Variants in TRPM4 observed in about 807,000 individuals in gnomAD.
TRPM4 encodes calcium-activated non-selective cation channel 1.
A neutral mutation model predicts 135.6 loss-of-function variants in TRPM4; 124 were observed. The ratio of observed to expected loss-of-function variants is 0.91; its 90% CI spans 0.79 to 1.06. The LOEUF (loss-of-function observed/expected upper bound fraction) is 1.06, where lower values mean the gene tolerates loss of function less well. Ranked by LOEUF, TRPM4 falls within the 50% of genes least tolerant of loss-of-function variation. The pLI is 0.00. For synonymous variants in TRPM4, 745 were observed against 705.6 expected, an observed-to-expected ratio of 1.06 and a Z score of -0.88; for missense variants, 1,658 against 1,671.4, an observed-to-expected ratio of 0.99 and a Z score of 0.14.
intron 16 of TRPM4, among the ~76,000 whole-genome samples, chr19:49,194,209 T>C (rs764783326): frequency 1.2e-4 from 19 of 152,064 alleles, no homozygotes; most frequent in Non-Finnish European, 1.8e-4. Context: ...CTTCTCCTGC[T>C]CCTCCTCCTC....
intron 17 of TRPM4, among the ~76,000 whole-genome samples, chr19:49,198,138 A>G (rs1968767844): frequency 6.6e-6 from 1 of 152,158 alleles, no homozygotes; most frequent in African/African-American, 2.4e-5. Context: ...AAAGTGATTC[A>G]ACATAAATAA....
rs1050611808 is a variant in TRPM4, at chr19:49,210,474, G to A, written c.3328+69G>A. ...GGGAGCCTGGAAGGCGAGGGGAAGG[G>A]GGCATGCCCCAAATGACTAACGGGC... On this transcript the variant is annotated intron_variant, in intron 21 of 24. Coordinates refer to ENST00000252826, the MANE Select transcript of TRPM4 (RefSeq NM_017636.4). The surrounding 1 kb of genome is among the most constrained non-coding windows in gnomAD (Gnocchi z 4.1). 4.5e-6 allele frequency: 7 copies of A among 1,566,184 alleles called. No individual in the cohort carries two copies. In the African/African-American group the frequency reaches 8.1e-5, roughly 18 times the overall value.
In TRPM4 at chr19:49,157,877, C is replaced by T. The variant is rs1318656879; in HGVS notation, c.11C>T (p.Pro4Leu). The T allele has an allele frequency of 1.3e-6, 2 of 1,534,916 alleles. No homozygotes were observed. Among genetic ancestry groups the T allele is most frequent in the East Asian group, 2.4e-5 (1 of 40,900 alleles). The change falls in exon 1 of 25, where the codon CCG becomes CTG. Residue 4 changes from proline to leucine, a missense_variant. Physicochemically the swap from Pro to Leu is moderately conservative, Grantham distance 98. Around this residue, in one of 3 missense-constraint regions of TRPM4, gnomAD observed 239 missense variants for 240.1 expected, o/e 1.00. Transcript: ENST00000252826. MVV[P>L]EKEQSWIPKI... ...GGCGGCCGCGGCAGCATGGTGGTGC[C>T]GGAGAAGGAGCAGGTGAGCGCCGGA...
At chr19:49,189,955 C>T (rs577798515) in intron 14 of TRPM4, among the ~76,000 whole-genome samples, 2 of 152,246 alleles carry the variant, frequency 1.3e-5, no homozygotes, top group Admixed American at 6.5e-5. Flanking sequence ...GTCAAGGGTT[C>T]GGTGGACTAA....
At chr19:49,168,523 G>C in intron 5 of TRPM4, 30 bp from the exon 6 acceptor site, 1 of 1,613,840 alleles carries the variant, frequency 6.2e-7, no homozygotes, top group Non-Finnish European at 8.5e-7. Context: ...CCGATGAGGA[G>C]ACGCCCTGGT....
intron 20 of TRPM4, among the ~76,000 whole-genome samples, chr19:49,206,435 C>CTT (rs1318548355): frequency 4.2e-5 from 6 of 143,288 alleles, no homozygotes; most frequent in Non-Finnish European, 6.1e-5. Flanking sequence ...TTTTTTTTTC[C>CTT]TTTTTTTTTT....
chr19:49,191,451 G>A (rs571147110), intron 16 of TRPM4, among the ~76,000 whole-genome samples: 17 of 152,024 alleles, frequency 1.1e-4, no homozygotes, highest in Admixed American at 1.0e-3. Flanking sequence ...AGTGATCCGC[G>A]CACTTTGGCC....
intron 16 of TRPM4, among the ~76,000 whole-genome samples, chr19:49,191,504 C>A (rs1459797406): frequency 6.6e-6 from 1 of 151,862 alleles, no homozygotes; most frequent in Non-Finnish European, 1.5e-5. Context: ...CCGGGCCCAG[C>A]CAGGGATTAC....
chr19:49,211,704 T>G lies in TRPM4; in HGVS notation c.*206T>G. Reference sequence around the variant, plus strand: ...GCTCCTCCCAGAACCAGTCCCAGCCTGGGAGGATCAAGGCCTGGATCCCGG... The same window carrying G: ...GCTCCTCCCAGAACCAGTCCCAGCCGGGGAGGATCAAGGCCTGGATCCCGG... On this transcript the variant is annotated 3_prime_UTR_variant, in exon 25 of 25. Coordinates refer to ENST00000252826, the MANE Select transcript of TRPM4 (RefSeq NM_017636.4). The surrounding 1 kb of genome is among the most constrained non-coding windows in gnomAD (Gnocchi z 4.8). The G allele has an allele frequency of 1.5e-6, 1 of 685,968 alleles. No homozygotes were observed. The highest frequency in any genetic ancestry group is 2.5e-6 in the Non-Finnish European group (1 of 395,884). 42.5% of individuals were successfully genotyped at this position (685,968 alleles called of 1,614,324 possible). A position where few individuals can be genotyped will look rare whatever the true frequency, so the allele number is the denominator to read the frequency against.
chr19:49,178,496 G>C (rs1967786684), intron 9 of TRPM4, among the ~76,000 whole-genome samples: 1 of 152,046 alleles, frequency 6.6e-6, no homozygotes, highest in Non-Finnish European at 1.5e-5. Context: ...CATGAAGCTT[G>C]GGGGCTGATG....
At chr19:49,209,718 C>G (rs1183351777) in intron 20 of TRPM4, among the ~76,000 whole-genome samples, 1 of 148,956 alleles carries the variant, frequency 6.7e-6, no homozygotes, top group Non-Finnish European at 1.5e-5. Flanking sequence ...CCTCTGACAT[C>G]TGACCCTTGG....
chr19:49,166,103 C>G lies in TRPM4; in HGVS notation c.155C>G (p.Ala52Gly), dbSNP rs767495100. 5 of 1,603,712 alleles carry G rather than the reference C, an allele frequency of 3.1e-6. No homozygotes were observed. Among genetic ancestry groups the G allele is most frequent in the Non-Finnish European group, 4.3e-6 (5 of 1,176,194 alleles). Residue 52 changes from alanine to glycine, a missense_variant, in exon 3 of 25, where the codon GCC (alanine) becomes GGC (glycine). Physicochemically the swap from Ala to Gly is moderately conservative, Grantham distance 60. Coordinates refer to ENST00000252826, the MANE Select transcript of TRPM4 (RefSeq NM_017636.4). ...CACCCCGCAGTGGCCATGGAGGATG[C>G]CTTCGGGGCAGCCGTGGTGACCGTG... is the stretch of plus-strand genomic sequence containing the variant. ...TAHPAVAMEDAFGAAVVTVWD... is the reference protein window; with the variant it reads ...TAHPAVAMEDGFGAAVVTVWD...
At chr19:49,197,512 C>CTTCCTTCT in intron 17 of TRPM4, among the ~76,000 whole-genome samples, 1 of 144,442 alleles carries the variant, frequency 6.9e-6, no homozygotes, top group East Asian at 2.0e-4. Flanking sequence ...TCCTTCCTTC[C>CTTCCTTCT]TTCTATGCTT....
intron 3 of TRPM4, among the ~76,000 whole-genome samples, chr19:49,166,870 C>CTCTCTCTGGGTCTCTGTCCCCA (rs1256859479): frequency 6.8e-6 from 1 of 147,076 alleles, no homozygotes; most frequent in Non-Finnish European, 1.5e-5. Flanking sequence ...CTGTTTCCCC[C>CTCTCTCTGGGTCTCTGTCCCCA]TCTCTCTGGG....
At chr19:49,198,336 G>T (rs1038529246) in intron 17 of TRPM4, among the ~76,000 whole-genome samples, 1 of 152,176 alleles carries the variant, frequency 6.6e-6, no homozygotes, top group Non-Finnish European at 1.5e-5. Flanking sequence ...GTGAAAAATG[G>T]AAAGATCTCA....
chr19:49,182,992 T>C, intron 11 of TRPM4, 70 bp downstream of exon 11: 1 of 1,597,202 alleles, frequency 6.3e-7, no homozygotes, highest in Non-Finnish European at 8.5e-7. Flanking sequence ...ACATCAGGGA[T>C]GGGGCGTGGC....
chr19:49,200,290 C>A lies in TRPM4; in HGVS notation c.2646-10C>A. 6.2e-7 allele frequency: 1 copy of A among 1,614,130 alleles called. No individual in the cohort carries two copies. The highest frequency in any genetic ancestry group is 8.5e-7 in the Non-Finnish European group (1 of 1,180,010). On this transcript the variant is annotated splice_polypyrimidine_tract_variant and intron_variant, in intron 17 of 24. Transcript: ENST00000252826. ...ACACTTGACCCTTGTGGCATCTCCCCACACCCCAGGCTGACCCCGGGTTTG... is the reference window on the plus strand; with the variant it reads ...ACACTTGACCCTTGTGGCATCTCCCAACACCCCAGGCTGACCCCGGGTTTG...
chr19:49,210,418 C>T lies in TRPM4; in HGVS notation c.3328+13C>T. 1 of 1,612,150 alleles carries T rather than the reference C, an allele frequency of 6.2e-7. No homozygotes were observed. The highest frequency in any genetic ancestry group is 8.5e-7 in the Non-Finnish European group (1 of 1,179,846). On this transcript the variant is annotated intron_variant, in intron 21 of 24. Transcript: ENST00000252826. The surrounding 1 kb of genome is among the most constrained non-coding windows in gnomAD (Gnocchi z 4.1). The stretch of plus-strand genomic sequence containing the variant: ...CTCGAGCATTTCCGTAAGAACAGAG[C>T]TTGGCTTAAAAAGGAGAAATATAGG...
chr19:49,160,819 T>G (rs1236863302), intron 2 of TRPM4, among the ~76,000 whole-genome samples: 1 of 150,542 alleles, frequency 6.6e-6, no homozygotes, highest in African/African-American at 2.5e-5. Flanking sequence ...GGAGGGGTAG[T>G]GGCCTGAGCC....
Sources: gnomAD v4.1 joint callset for allele counts (sites outside exome capture counted in the v4.1 genomes callset) on GRCh38, gnomAD v4.1.1 for gene constraint, gnomAD v4.1.1 regional missense constraint, Gnocchi (gnomAD v3.1) non-coding constraint, MANE v1.5 for transcripts, NCBI Gene and HGNC (gene_info 2026-07-23, HGNC 2026-07-21) for gene names.